HAO1: variants seen among roughly 807,000 people sequenced by gnomAD.
The protein encoded by HAO1 is hydroxyacid oxidase 1.
HAO1 carries 34 observed loss-of-function variants against 39.7 expected under a neutral mutation model. The ratio of observed to expected loss-of-function variants is 0.86; its 90% confidence interval spans 0.65 to 1.14. The LOEUF is 1.14. Ranked by LOEUF, HAO1 falls within the 50% of genes most tolerant of loss-of-function variation. The pLI, the probability that HAO1 is intolerant of heterozygous loss-of-function variation, is 0.00. For missense variants in HAO1, 479 were observed against 464.5 expected (o/e 1.03, Z -0.29); for synonymous variants, 172 against 173.2 (o/e 0.99, Z 0.05).
chr20:7,885,954 G>A, intron 5 of HAO1, 90 bp from the exon 6 acceptor site: 2 of 1,081,494 alleles, frequency 1.8e-6, no homozygotes, highest in Non-Finnish European at 2.7e-6. Context: ...CATCCAGCTA[G>A]GGCTTAGAGT....
chr20:7,883,200 C>A lies in HAO1; in HGVS notation c.*393G>T, dbSNP rs931173080. On this transcript the variant is annotated 3_prime_UTR_variant, in exon 8 of 8. Transcript: ENST00000378789. ...ACCTGAGCTTACAATTTAAGAACCACTGTTTTAAAGACATGTAAACAGAAT... is the reference window on the plus strand; with the variant it reads ...ACCTGAGCTTACAATTTAAGAACCAATGTTTTAAAGACATGTAAACAGAAT... 1 of 173,234 alleles carries A rather than the reference C, an allele frequency of 5.8e-6. No individual in the cohort carries two copies. The highest frequency in any genetic ancestry group is 1.3e-5 in the Non-Finnish European group (1 of 79,474). 10.7% of individuals were successfully genotyped at this position (173,234 alleles called of 1,614,324 possible). A position where few individuals can be genotyped will look rare whatever the true frequency, so the allele number is the denominator to read the frequency against.
In HAO1 at chr20:7,914,079, C is replaced by T. The variant is rs6118002; in HGVS notation, c.545+85G>A. On this transcript the variant is annotated intron_variant, in intron 3 of 7. Transcript: ENST00000378789. The stretch of plus-strand genomic sequence containing the variant: ...TGAAGATTAACTAGATGTTTAGCAA[C>T]GTTGCTATCAGTAGAACCCAGACCC... 13,987 of 1,426,944 alleles carry T rather than the reference C, an allele frequency of 9.8e-3. 615 individuals carry two copies. The African/African-American group carries it at 0.13, about 13-fold the overall frequency. 88.4% of individuals were successfully genotyped at this position (1,426,944 alleles called of 1,614,324 possible). A position where few individuals can be genotyped will look rare whatever the true frequency, so the allele number is the denominator to read the frequency against.
intron 4 of HAO1, among the ~76,000 whole-genome samples, chr20:7,901,371 G>A (rs565599396): frequency 6.6e-6 from 1 of 152,158 alleles, no homozygotes; most frequent in Admixed American, 6.5e-5. Context: ...CATAGCTAGA[G>A]AGGAGAAGTC....
At chr20:7,894,696 T>C (rs527722756) in intron 5 of HAO1, among the ~76,000 whole-genome samples, 1 of 152,314 alleles carries the variant, frequency 6.6e-6, no homozygotes, top group South Asian at 2.1e-4. Flanking sequence ...ATTCTGATTA[T>C]GTCCCTCCTC....
intron 2 of HAO1, among the ~76,000 whole-genome samples, chr20:7,925,114 T>C (rs2050353290): frequency 6.6e-6 from 1 of 152,210 alleles, no homozygotes; most frequent in Non-Finnish European, 1.5e-5. Context: ...AACATTGTTT[T>C]ATGAATGTCT....
Position 7,934,507 on chromosome 20 carries a change from T to C in HAO1, c.266A>G (p.Asp89Gly). Residue 89 changes from aspartate to glycine, a missense_variant, in exon 2 of 8, where the codon GAC becomes GGC. Coordinates refer to ENST00000378789, the MANE Select transcript of HAO1 (RefSeq NM_017545.3). ...ATAMQRMAHV[D>G]GELATVRACQ... ...ACCTCTCACAGTGGCAAGCTCGCCG[T>C]CCACATGAGCCATGCGCTGCATGGC... The C allele has an allele frequency of 1.2e-6, 2 of 1,611,608 alleles. No homozygotes were observed. Among genetic ancestry groups the C allele is most frequent in the South Asian group, 2.2e-5 (2 of 90,716 alleles).
chr20:7,929,180 C>T (rs1041952968), intron 2 of HAO1, among the ~76,000 whole-genome samples: 1 of 151,972 alleles, frequency 6.6e-6, no homozygotes, highest in Non-Finnish European at 1.5e-5. Flanking sequence ...CTGCATAAAG[C>T]TTAAAATAAA....
intron 5 of HAO1, among the ~76,000 whole-genome samples, chr20:7,893,785 A>T (rs115233533): frequency 0.03 from 4,491 of 152,200 alleles, 223 homozygotes; most frequent in African/African-American, 0.098. Flanking sequence ...TTTTAGTAAT[A>T]ATAAAACTCC....
intron 2 of HAO1, among the ~76,000 whole-genome samples, 164 bp downstream of exon 2, chr20:7,934,320 G>A (rs1429453648): frequency 6.6e-6 from 1 of 152,196 alleles, no homozygotes; most frequent in African/African-American, 2.4e-5. Flanking sequence ...CTGGAAAGAA[G>A]AGGAGCAGGA....
chr20:7,898,588 A>G (rs2050207560), intron 4 of HAO1, among the ~76,000 whole-genome samples: 2 of 152,182 alleles, frequency 1.3e-5, no homozygotes, highest in African/African-American at 2.4e-5. Flanking sequence ...ATAGGGCCTC[A>G]ATGGACTACC....
chr20:7,885,104 C>T (rs1341213226), intron 7 of HAO1, among the ~76,000 whole-genome samples: 1 of 152,120 alleles, frequency 6.6e-6, no homozygotes, highest in Non-Finnish European at 1.5e-5. Flanking sequence ...ATGGGATTAA[C>T]ATGAACTGAT....
chr20:7,887,451 T>G (rs1029641937), intron 5 of HAO1, among the ~76,000 whole-genome samples: 3 of 152,140 alleles, frequency 2.0e-5, no homozygotes, highest in African/African-American at 7.2e-5. Flanking sequence ...AAGGTAACAC[T>G]TGGCATGTGG....
At chr20:7,934,198 C>A (rs1651188192) in intron 2 of HAO1, among the ~76,000 whole-genome samples, 1 of 152,104 alleles carries the variant, frequency 6.6e-6, no homozygotes, top group Non-Finnish European at 1.5e-5. Context: ...ACTTTGTATA[C>A]CTGAACTCAT....
chr20:7,923,409 G>A (rs552340757), intron 2 of HAO1, among the ~76,000 whole-genome samples: 83 of 152,236 alleles, frequency 5.5e-4, no homozygotes, highest in African/African-American at 1.7e-3. Context: ...AGCAAAAATA[G>A]GAAATCCATT....
chr20:7,892,691 T>C (rs1157151992), intron 5 of HAO1, among the ~76,000 whole-genome samples: 1 of 152,136 alleles, frequency 6.6e-6, no homozygotes, highest in Non-Finnish European at 1.5e-5. Flanking sequence ...AAAATATTTA[T>C]ATAAGAATCC....
chr20:7,924,707 G>A (rs1215115998), intron 2 of HAO1, among the ~76,000 whole-genome samples: 1 of 152,012 alleles, frequency 6.6e-6, no homozygotes, highest in Non-Finnish European at 1.5e-5. Context: ...TTTATGGGAA[G>A]GCAGAATCAA....
intron 3 of HAO1, among the ~76,000 whole-genome samples, chr20:7,913,692 A>G (rs1390995157): frequency 6.6e-6 from 1 of 152,220 alleles, no homozygotes; most frequent in Non-Finnish European, 1.5e-5. Flanking sequence ...GATGAACCAC[A>G]GTGAAAGGAA....
chr20:7,890,141 A>G (rs2050167541), intron 5 of HAO1, among the ~76,000 whole-genome samples: 1 of 152,162 alleles, frequency 6.6e-6, no homozygotes, highest in Non-Finnish European at 1.5e-5. Context: ...CTAAAGTGTG[A>G]GGCAAAACTC....
At chr20:7,889,472 C>T (rs2050164270) in intron 5 of HAO1, among the ~76,000 whole-genome samples, 1 of 152,146 alleles carries the variant, frequency 6.6e-6, no homozygotes, top group East Asian at 1.9e-4. Flanking sequence ...TCCTATTATT[C>T]TCTAATTACT....
Sources: gnomAD v4.1 joint callset for allele counts (sites outside exome capture counted in the v4.1 genomes callset) on GRCh38, gnomAD v4.1.1 for gene constraint, MANE v1.5 for transcripts, NCBI Gene and HGNC (gene_info 2026-07-23, HGNC 2026-07-21) for gene names.